The following ENOPH1 variants were observed in gnomAD, a reference collection of about 807,000 sequenced individuals.
The protein encoded by ENOPH1 is enolase-phosphatase E1.
A neutral mutation model predicts 31.1 loss-of-function variants in ENOPH1; 14 were observed. That is an observed-to-expected ratio of 0.45 (90% CI 0.30 to 0.70). The LOEUF (loss-of-function observed/expected upper bound fraction) is 0.70, where lower values mean the gene tolerates loss of function less well. Among genes scored for constraint, ENOPH1 ranks in the 30% least tolerant of loss-of-function variants. The probability of loss-of-function intolerance (pLI) is 0.09; values close to 1 mark genes in which losing one functional copy is unlikely to be tolerated. For synonymous variants in ENOPH1, 127 were observed against 123.2 expected, an observed-to-expected ratio of 1.03 and a Z score of -0.21; for missense variants, 243 against 321.5, an observed-to-expected ratio of 0.76 and a Z score of 1.87.
At chr4:82,431,287 C>G (rs995204565) in intron 1 of ENOPH1, among the ~76,000 whole-genome samples, 3 of 152,214 alleles carry the variant, frequency 2.0e-5, no homozygotes, top group African/African-American at 7.2e-5. Context: ...TCCGTCGGGC[C>G]TGGTGTGGCA....
At position 82,430,810 on chromosome 4, in the gene ENOPH1, C is replaced by T. The variant is rs780331684; in HGVS notation, c.-20C>T. ...GCCCTCCCCAACAGCAGGCCGAGTC[C>T]CGTAGCATCCGGTAGGGAAATGGTC... On this transcript the variant is annotated 5_prime_UTR_variant, in exon 1 of 6. Coordinates refer to ENST00000273920, the MANE Select transcript of ENOPH1 (RefSeq NM_021204.5). 3 of 1,613,332 alleles carry T rather than the reference C, an allele frequency of 1.9e-6. No individual in the cohort carries two copies. The South Asian group carries it at 3.3e-5, about 18-fold the overall frequency.
chr4:82,456,624 G>A (rs1415431945), intron 4 of ENOPH1, among the ~76,000 whole-genome samples: 1 of 152,160 alleles, frequency 6.6e-6, no homozygotes, highest in Non-Finnish European at 1.5e-5. Context: ...GTAGGATGTA[G>A]GGCATGTTTA....
chr4:82,435,356 G>A (rs549580637), intron 1 of ENOPH1, among the ~76,000 whole-genome samples: 25 of 152,208 alleles, frequency 1.6e-4, no homozygotes, highest in Admixed American at 5.2e-4. Flanking sequence ...CTCCCATCAC[G>A]GCTTCCCAGA....
At chr4:82,436,754 G>A (rs528824577) in intron 1 of ENOPH1, among the ~76,000 whole-genome samples, 2 of 150,826 alleles carry the variant, frequency 1.3e-5, no homozygotes, top group African/African-American at 4.9e-5. Context: ...GTCCCACCTA[G>A]CTGGGAGGGA....
intron 1 of ENOPH1, among the ~76,000 whole-genome samples, chr4:82,445,822 C>T (rs915455352): frequency 3.9e-5 from 6 of 152,152 alleles, no homozygotes; most frequent in Non-Finnish European, 7.4e-5. Context: ...AGTACAGTGG[C>T]GCATTTTATA....
intron 1 of ENOPH1, among the ~76,000 whole-genome samples, chr4:82,434,050 TG>T (rs745337508): frequency 3.2e-4 from 48 of 152,332 alleles, no homozygotes; most frequent in Middle Eastern, 3.4e-3. Flanking sequence ...ATGAGGTGTA[TG>T]TACTGTCTAC....
chr4:82,443,522 A>G (rs966935803), intron 1 of ENOPH1, among the ~76,000 whole-genome samples: 3 of 151,518 alleles, frequency 2.0e-5, no homozygotes, highest in African/African-American at 7.3e-5. Context: ...AGGTCAGGAG[A>G]TCGAGGCCAT....
chr4:82,431,508 C>G (rs1324423017), intron 1 of ENOPH1, among the ~76,000 whole-genome samples: 4 of 152,176 alleles, frequency 2.6e-5, no homozygotes, highest in Non-Finnish European at 5.9e-5. Flanking sequence ...AGCTATAGGA[C>G]ACGTCTAGAT....
intron 1 of ENOPH1, among the ~76,000 whole-genome samples, chr4:82,446,689 CTTTTTTTTTTTTT>C (rs1175624219): frequency 3.0e-5 from 2 of 67,508 alleles, no homozygotes; most frequent in Non-Finnish European, 6.2e-5. Context: ...GTGACGGAAT[CTTTTTTTTTTTTT>C]TTTTTTTTTT....
intron 1 of ENOPH1, among the ~76,000 whole-genome samples, chr4:82,444,247 A>G (rs1376739233): frequency 2.7e-5 from 4 of 145,466 alleles, no homozygotes; most frequent in African/African-American, 1.0e-4. Flanking sequence ...TTTGAGACGG[A>G]GTCTCACTCT....
chr4:82,437,945 T>A (rs558148229), intron 1 of ENOPH1, among the ~76,000 whole-genome samples: 1 of 152,230 alleles, frequency 6.6e-6, no homozygotes, highest in African/African-American at 2.4e-5. Flanking sequence ...TTGAACAATT[T>A]AACTGAAAGT....
At position 82,456,958 on chromosome 4, in the gene ENOPH1, A is replaced by C. The variant is rs776383874; in HGVS notation, c.566A>C (p.Glu189Ala). 1 of 1,614,002 alleles carries C rather than the reference A, an allele frequency of 6.2e-7. No individual in the cohort carries two copies. The stretch of plus-strand genomic sequence containing the variant: ...GATACCAAGATTGGACACAAAGTAG[A>C]GAGTGAAAGTTACCGAAAGATTGCA... Reference protein sequence around the residue: ...HFDTKIGHKVESESYRKIADS... With the variant: ...HFDTKIGHKVASESYRKIADS... The change falls in exon 5 of 6, where the codon GAG (glutamate) becomes GCG (alanine). Residue 189 changes from glutamate to alanine, a missense_variant. Transcript: ENST00000273920.
chr4:82,439,393 C>T (rs1721984938), intron 1 of ENOPH1, among the ~76,000 whole-genome samples: 1 of 152,186 alleles, frequency 6.6e-6, no homozygotes, highest in South Asian at 2.1e-4. Flanking sequence ...TTGGAGCTCA[C>T]AATCAGACCA....
In ENOPH1 at chr4:82,434,360, G is replaced by A. The variant is rs180990537; in HGVS notation, c.84+3447G>A. ...GCACTTTGGGACGCCGAAGCAGGTG[G>A]ATCTCTTGAGGTCAGGAGTTCGAGG... On this transcript the variant is annotated intron_variant, in intron 1 of 5. Transcript: ENST00000273920. Among the ~76,000 whole-genome samples the A allele has an allele frequency of 3.4e-4, 52 of 152,292 alleles. 1 individual carries two copies. The South Asian group carries it at 8.3e-3, about 24-fold the overall frequency.
Position 82,430,616 on chromosome 4 carries a change from C to G in ENOPH1, c.-214C>G. On this transcript the variant is annotated 5_prime_UTR_variant, in exon 1 of 6. Coordinates refer to ENST00000273920, the MANE Select transcript of ENOPH1 (RefSeq NM_021204.5). ...TCTCGGGCTCCTGCCCCGTCCTGCT[C>G]ACGAGTTCAGGGCTCCTGGGCGGCC... 2 of 563,274 alleles carry G rather than the reference C, an allele frequency of 3.6e-6. No homozygotes were observed. The highest frequency in any genetic ancestry group is 6.3e-6 in the Non-Finnish European group (2 of 314,992). 34.9% of individuals were successfully genotyped at this position (563,274 alleles called of 1,614,324 possible).
intron 1 of ENOPH1, 32 bp from the exon 2 acceptor site, chr4:82,447,888 A>G: frequency 7.3e-7 from 1 of 1,369,556 alleles, no homozygotes; most frequent in Non-Finnish European, 1.0e-6. Context: ...ATAAAAGCTA[A>G]CTCTTGTATT....
At position 82,460,237 on chromosome 4, in the gene ENOPH1, G is replaced by T; in HGVS notation, c.*117G>T. 1 of 1,030,396 alleles carries T rather than the reference G, an allele frequency of 9.7e-7. No homozygotes were observed. The highest frequency in any genetic ancestry group is 1.5e-5 in the South Asian group (1 of 66,372). The allele number at this position is 1,030,396 out of a possible 1,614,324, so 63.8% of individuals were successfully genotyped here. On this transcript the variant is annotated 3_prime_UTR_variant, in exon 6 of 6. Transcript: ENST00000273920. ...AACATATGTACACATATGTATGCAAGTATGTATATATGTGTATGCTCAGAT... is the reference window on the plus strand; with the variant it reads ...AACATATGTACACATATGTATGCAATTATGTATATATGTGTATGCTCAGAT...
chr4:82,454,421 C>T (rs540872858), intron 3 of ENOPH1, among the ~76,000 whole-genome samples: 32 of 152,134 alleles, frequency 2.1e-4, no homozygotes, highest in African/African-American at 7.0e-4. Flanking sequence ...TTGAGTTCTT[C>T]GGGAATTTAA....
intron 4 of ENOPH1, 24 bp from the exon 5 acceptor site, chr4:82,456,891 G>A (rs1478203744): frequency 1.2e-6 from 2 of 1,612,002 alleles, no homozygotes; most frequent in South Asian, 2.2e-5. Context: ...TGTATTGCCA[G>A]TCTTTCCCCT....
Sources: gnomAD v4.1 joint callset for allele counts (sites outside exome capture counted in the v4.1 genomes callset) on GRCh38, gnomAD v4.1.1 for gene constraint, MANE v1.5 for transcripts, NCBI Gene and HGNC (gene_info 2026-07-23, HGNC 2026-07-21) for gene names.